Variants in TMEM50B observed in about 807,000 individuals in gnomAD.
TMEM50B encodes the protein HCV p7-trans-regulated protein 3.
In TMEM50B, 14 loss-of-function variants were observed where a neutral mutation model predicts 23.4. The observed-to-expected ratio is 0.60, with a 90% CI of 0.39 to 0.93. The LOEUF (loss-of-function observed/expected upper bound fraction) is 0.93, where lower values mean the gene tolerates loss of function less well. Ranked by LOEUF, TMEM50B falls within the 40% of genes least tolerant of loss-of-function variation. The pLI is 0.00. For missense variants in TMEM50B, 159 were observed against 193.0 expected, an observed-to-expected ratio of 0.82 and a Z score of 1.04; for synonymous variants, 64 against 62.3, an observed-to-expected ratio of 1.03 and a Z score of -0.13.
intron 8 of TMEM50B, among the ~76,000 whole-genome samples, chr21:33,433,813 G>C (rs1043882656): frequency 2.8e-4 from 43 of 151,970 alleles, no homozygotes; most frequent in African/African-American, 1.0e-3. Context: ...ATGGCATGGG[G>C]TTGGCTAAAA....
chr21:33,458,997 CAA>C (rs570940700), intron 5 of TMEM50B, among the ~76,000 whole-genome samples: 2 of 152,100 alleles, frequency 1.3e-5, no homozygotes, highest in Admixed American at 1.3e-4. Context: ...ATGATACTAT[CAA>C]AAGTATTCAA....
At chr21:33,437,949 C>T (rs2083973185) in intron 8 of TMEM50B, among the ~76,000 whole-genome samples, 1 of 149,966 alleles carries the variant, frequency 6.7e-6, no homozygotes, top group Admixed American at 6.7e-5. Context: ...TGCCACTGCA[C>T]TCCAGCGTGG....
intron 4 of TMEM50B, among the ~76,000 whole-genome samples, chr21:33,463,624 T>G (rs1334510579): frequency 6.6e-6 from 1 of 151,388 alleles, no homozygotes; most frequent in East Asian, 2.0e-4. Context: ...ATTGGTGGAT[T>G]CTGGCCAGGC....
At chr21:33,467,182 T>A in intron 2 of TMEM50B, 60 bp from the exon 3 acceptor site, 1 of 1,387,410 alleles carries the variant, frequency 7.2e-7, no homozygotes. Flanking sequence ...ATACCTGCTT[T>A]TTAACATTCC....
intron 1 of TMEM50B, among the ~76,000 whole-genome samples, chr21:33,474,181 T>C (rs781421204): frequency 8.1e-6 from 1 of 123,086 alleles, no homozygotes; most frequent in Non-Finnish European, 1.7e-5. Flanking sequence ...CTGTGTTTTT[T>C]GGGGGGCAGG....
At chr21:33,466,115 G>A (rs2084262145) in intron 3 of TMEM50B, among the ~76,000 whole-genome samples, 1 of 152,010 alleles carries the variant, frequency 6.6e-6, no homozygotes, top group African/African-American at 2.4e-5. Flanking sequence ...CAAAAAATTA[G>A]CTGGGCGTAG....
downstream of TMEM50B, chr21:33,448,907 T>TAAAAAAAAA (rs368082696): frequency 7.5e-6 from 1 of 133,092 alleles, no homozygotes. Flanking sequence ...ATATTGTCTT[T>TAAAAAAAAA]AAAAAAAAAA....
At chr21:33,455,985 T>A in intron 5 of TMEM50B, 1 of 705,908 alleles carries the variant, frequency 1.4e-6, no homozygotes, top group South Asian at 1.5e-5. Context: ...TTACTCTGGA[T>A]AAAAGTCAAT....
At position 33,441,538 on chromosome 21, in the gene TMEM50B, T is replaced by C. The variant is rs1357428189; in HGVS notation, c.*2037-2241A>G. On this transcript the variant is annotated intron_variant and NMD_transcript_variant, in intron 7 of 8. Transcript: ENST00000420455. ...ATTCCAAGGTTAGACAGGCAGTTGT[T>C]GGGCAGATGTCCTCATAGAAGTGTT... 2.7e-5 allele frequency among the ~76,000 whole-genome samples: 4 copies of C among 149,196 alleles called. No homozygotes were observed. The East Asian group carries it at 7.7e-4, about 29-fold the overall frequency.
intron 7 of TMEM50B, among the ~76,000 whole-genome samples, chr21:33,443,932 G>A (rs1422694116): frequency 4.6e-5 from 7 of 152,010 alleles, no homozygotes; most frequent in African/African-American, 9.7e-5. Flanking sequence ...ACAGAGTTTC[G>A]CTCTGTCGCC....
At chr21:33,474,416 C>A (rs563201493) in intron 1 of TMEM50B, among the ~76,000 whole-genome samples, 9 of 151,198 alleles carry the variant, frequency 6.0e-5, no homozygotes, top group Admixed American at 2.6e-4. Flanking sequence ...ACCAAACCTG[C>A]GCTAAGAAAG....
At chr21:33,478,151 A>C (rs2084391488) in intron 1 of TMEM50B, among the ~76,000 whole-genome samples, 1 of 151,540 alleles carries the variant, frequency 6.6e-6, no homozygotes, top group Admixed American at 6.6e-5. Flanking sequence ...TAAATAAATA[A>C]ATAAATTTAA....
chr21:33,465,076 T>C, intron 4 of TMEM50B: 1 of 343,272 alleles, frequency 2.9e-6, no homozygotes, highest in Non-Finnish European at 5.2e-6. Flanking sequence ...AATAAATCCA[T>C]CATTAGCACT....
chr21:33,438,000 G>A (rs1306644279), intron 8 of TMEM50B, among the ~76,000 whole-genome samples: 5 of 139,950 alleles, frequency 3.6e-5, no homozygotes, highest in African/African-American at 7.7e-5. Context: ...AAAAAAAAAA[G>A]AGGGCTGGGC....
chr21:33,476,803 C>T (rs1294240140), intron 1 of TMEM50B, among the ~76,000 whole-genome samples: 1 of 150,614 alleles, frequency 6.6e-6, no homozygotes, highest in Non-Finnish European at 1.5e-5. Flanking sequence ...AAAAAGATTC[C>T]TTGTGAAATA....
chr21:33,448,228 C>T (rs2084083766), downstream of TMEM50B, among the ~76,000 whole-genome samples: 1 of 152,116 alleles, frequency 6.6e-6, no homozygotes, highest in South Asian at 2.1e-4. Context: ...CTCCTGACCT[C>T]ATGATCTGCC....
chr21:33,454,215 CACTT>C (rs940019463), intron 6 of TMEM50B, among the ~76,000 whole-genome samples: 3 of 151,818 alleles, frequency 2.0e-5, no homozygotes, highest in South Asian at 2.1e-4. Flanking sequence ...TTTATTTTTC[CACTT>C]ACTTTAACTT....
At chr21:33,458,543 T>C (rs922266369) in intron 5 of TMEM50B, among the ~76,000 whole-genome samples, 4 of 152,144 alleles carry the variant, frequency 2.6e-5, no homozygotes, top group African/African-American at 7.2e-5. Flanking sequence ...AGATTCCATG[T>C]GTATGAAATA....
intron 1 of TMEM50B, chr21:33,478,907 G>T: frequency 2.3e-6 from 1 of 439,746 alleles, no homozygotes. Context: ...AGTCTGAGAA[G>T]GGAGATGGGA....
Sources: gnomAD v4.1 joint callset for allele counts (sites outside exome capture counted in the v4.1 genomes callset) on GRCh38, gnomAD v4.1.1 for gene constraint, MANE v1.5 for transcripts, NCBI Gene and HGNC (gene_info 2026-07-23, HGNC 2026-07-21) for gene names.